PTPRG: variants seen among roughly 807,000 people sequenced by gnomAD.
PTPRG encodes the protein protein tyrosine phosphatase receptor type G.
A neutral mutation model predicts 165.3 loss-of-function variants in PTPRG; 102 were observed. That is an observed-to-expected ratio of 0.62 (90% CI 0.53 to 0.73). The LOEUF is 0.73. Among genes scored for constraint, PTPRG ranks in the 30% least tolerant of loss-of-function variants. The probability of loss-of-function intolerance (pLI) is 0.00; values close to 1 mark genes in which losing one functional copy is unlikely to be tolerated. For synonymous variants in PTPRG, 675 were observed against 669.5 expected (o/e 1.01, Z -0.13); for missense variants, 1,866 against 1,861.4 (o/e 1.00, Z -0.05).
chr3:61,901,531 C>G (rs2038498468), intron 2 of PTPRG, among the ~76,000 whole-genome samples: 1 of 152,164 alleles, frequency 6.6e-6, no homozygotes, highest in Non-Finnish European at 1.5e-5. Context: ...AACTATAAAT[C>G]CAAAGGTGAA....
At chr3:61,804,624 A>C (rs571918985) in intron 2 of PTPRG, among the ~76,000 whole-genome samples, 14 of 150,158 alleles carry the variant, frequency 9.3e-5, no homozygotes, top group East Asian at 2.0e-4. Flanking sequence ...TCCTATGCTT[A>C]TTCTTTATTT....
chr3:61,681,054 T>TAAAAAAAAAAAAAAA (rs61198100), intron 1 of PTPRG, among the ~76,000 whole-genome samples: 5 of 66,096 alleles, frequency 7.6e-5, no homozygotes, highest in Admixed American at 1.9e-4. Context: ...CTTTATGTTC[T>TAAAAAAAAAAAAAAA]AAAAAAAAAA....
intron 2 of PTPRG, among the ~76,000 whole-genome samples, chr3:61,910,729 A>G (rs982279047): frequency 3.9e-5 from 6 of 152,062 alleles, no homozygotes; most frequent in East Asian, 3.9e-4. Context: ...CATTTTCCCT[A>G]TGCTGTTGAT....
chr3:62,276,059 C>T, intron 24 of PTPRG, 93 bp downstream of exon 24: 1 of 903,612 alleles, frequency 1.1e-6, no homozygotes, highest in Non-Finnish European at 1.7e-6. Flanking sequence ...TTGATAGCAC[C>T]CTTCAATTGT....
chr3:62,204,329 G>C (rs2106843012), intron 12 of PTPRG, among the ~76,000 whole-genome samples: 1 of 152,234 alleles, frequency 6.6e-6, no homozygotes, highest in Admixed American at 6.5e-5. Context: ...TGGTGCCAGG[G>C]ACTGGGCAGG....
intron 2 of PTPRG, among the ~76,000 whole-genome samples, chr3:61,805,530 C>CAAAAAAAAAAAAAAAAAAAAAAAAAAAA (rs58646519): frequency 1.0e-5 from 1 of 96,534 alleles, no homozygotes; most frequent in African/African-American, 3.5e-5. Flanking sequence ...ATGGGAAAGA[C>CAAAAAAAAAAAAAAAAAAAAAAAAAAAA]AAAAAAAAAA....
intron 2 of PTPRG, among the ~76,000 whole-genome samples, chr3:61,972,068 T>C (rs1214739911): frequency 1.3e-5 from 2 of 152,172 alleles, no homozygotes; most frequent in African/African-American, 4.8e-5. Context: ...AGGTGTGCGC[T>C]ACAAAGCAAA....
intron 4 of PTPRG, among the ~76,000 whole-genome samples, chr3:62,051,985 A>G (rs1281135735): frequency 1.3e-5 from 2 of 152,338 alleles, no homozygotes; most frequent in African/African-American, 4.8e-5. Context: ...GAATAGACAA[A>G]TGGCTTAATC....
At chr3:62,188,133 G>A (rs1699710122) in intron 8 of PTPRG, among the ~76,000 whole-genome samples, 1 of 152,126 alleles carries the variant, frequency 6.6e-6, no homozygotes, top group African/African-American at 2.4e-5. Context: ...CAGTACTTTG[G>A]GAGGCCAAAC....
At chr3:61,848,250 G>A (rs754723253) in intron 2 of PTPRG, among the ~76,000 whole-genome samples, 5 of 152,160 alleles carry the variant, frequency 3.3e-5, no homozygotes, top group African/African-American at 9.6e-5. Flanking sequence ...ACTCTCTCTC[G>A]CCATGCCCCC....
intron 4 of PTPRG, among the ~76,000 whole-genome samples, chr3:62,038,836 C>T (rs1055762746): frequency 1.3e-5 from 2 of 152,060 alleles, no homozygotes; most frequent in Non-Finnish European, 2.9e-5. Flanking sequence ...AGTACATGTG[C>T]AGGCTTGTTA....
Position 62,097,371 on chromosome 3 carries a change from T to C in PTPRG, c.615+19113T>C, listed in dbSNP as rs575903600. Among the ~76,000 whole-genome samples, 13 of 152,294 alleles carry C rather than the reference T, an allele frequency of 8.5e-5. 1 individual carries two copies. In the South Asian group the frequency reaches 1.0e-3, roughly 12 times the overall value. On this transcript the variant is annotated intron_variant, in intron 5 of 29. Coordinates refer to ENST00000474889, the MANE Select transcript of PTPRG (RefSeq NM_002841.4). ...CCGTTCCAGCAAATGAAAACCTAAA[T>C]AAGTCCCACAACAGCACCGAGTGTT...
At chr3:61,905,735 G>A (rs1007996511) in intron 2 of PTPRG, among the ~76,000 whole-genome samples, 4 of 152,156 alleles carry the variant, frequency 2.6e-5, no homozygotes, top group African/African-American at 9.7e-5. Context: ...TTTCTATGGT[G>A]GGATAAACAG....
chr3:62,082,821 C>A (rs149547590), intron 5 of PTPRG, among the ~76,000 whole-genome samples: 5 of 152,302 alleles, frequency 3.3e-5, no homozygotes, highest in Admixed American at 2.0e-4. Flanking sequence ...CACATCTTGG[C>A]CCAGACAGCT....
At chr3:61,739,667 T>C (rs2032903532) in intron 1 of PTPRG, among the ~76,000 whole-genome samples, 1 of 152,230 alleles carries the variant, frequency 6.6e-6, no homozygotes, top group African/African-American at 2.4e-5. Context: ...TACATGAGCC[T>C]GTGTATTGAT....
intron 13 of PTPRG, among the ~76,000 whole-genome samples, chr3:62,220,351 G>C (rs1399915119): frequency 6.6e-6 from 1 of 152,236 alleles, no homozygotes; most frequent in African/African-American, 2.4e-5. Flanking sequence ...ACAGACTGAA[G>C]AGGAGCAGGG....
chr3:61,694,305 G>T (rs1175302235), intron 1 of PTPRG, among the ~76,000 whole-genome samples: 1 of 152,124 alleles, frequency 6.6e-6, no homozygotes, highest in Non-Finnish European at 1.5e-5. Flanking sequence ...AAGACATTAA[G>T]AAAAAGATTT....
chr3:62,078,220 G>T lies in PTPRG; in HGVS notation c.577G>T (p.Glu193Ter). 1 of 1,609,636 alleles carries T rather than the reference G, an allele frequency of 6.2e-7. No homozygotes were observed. The highest frequency in any genetic ancestry group is 8.5e-7 in the Non-Finnish European group (1 of 1,177,766). The change falls in exon 5 of 30, where the codon GAG becomes TAG. Residue 193 changes from glutamate to a stop codon, truncating the protein, a stop_gained. Coordinates refer to ENST00000474889, the MANE Select transcript of PTPRG (RefSeq NM_002841.4). LOFTEE classifies it high-confidence loss of function. ...DFDSFQTAIS[E>*]NRIIGAMAIF... ...TGACAGCTTTCAAACCGCAATTTCTGAGAACAGAATAATCGGAGCCATGGC... is the reference window on the plus strand; with the variant it reads ...TGACAGCTTTCAAACCGCAATTTCTTAGAACAGAATAATCGGAGCCATGGC...
At chr3:61,590,876 T>C (rs749981268) in intron 1 of PTPRG, among the ~76,000 whole-genome samples, 62 of 152,126 alleles carry the variant, frequency 4.1e-4, no homozygotes, top group Non-Finnish European at 7.6e-4. Flanking sequence ...CCCAGCACTT[T>C]GGGATGCCAG....
Sources: allele counts gnomAD v4.1 joint callset (sites outside exome capture counted in the v4.1 genomes callset), GRCh38; gene constraint gnomAD v4.1.1; transcripts MANE v1.5; gene names NCBI Gene and HGNC (gene_info 2026-07-23, HGNC 2026-07-21).